The following KAZN variants were observed in gnomAD, a reference collection of about 807,000 sequenced individuals.
The protein encoded by KAZN is kazrin.
Under a neutral mutation model 87.4 loss-of-function variants are expected in KAZN, and 40 were observed. That is an observed-to-expected ratio of 0.46 (90% confidence interval 0.36 to 0.60). The LOEUF (loss-of-function observed/expected upper bound fraction) is 0.60. Ranked by LOEUF, KAZN falls within the 20% of genes least tolerant of loss-of-function variation. KAZN has a pLI of 0.00. For synonymous variants in KAZN, 466 were observed against 458.3 expected (o/e 1.02, Z -0.22); for missense variants, 898 against 1,073.9 (o/e 0.84, Z 2.29).
At chr1:14,676,298 A>G (rs1640214982) in intron 1 of KAZN, among the ~76,000 whole-genome samples, 1 of 152,302 alleles carries the variant, frequency 6.6e-6, no homozygotes, top group East Asian at 1.9e-4. Context: ...GATTCCCTCT[A>G]TATGCAAAAT....
intron 2 of KAZN, among the ~76,000 whole-genome samples, chr1:14,211,032 G>A (rs893136235): frequency 6.6e-6 from 1 of 152,062 alleles, no homozygotes; most frequent in African/African-American, 2.4e-5. Context: ...TTACCTCTTA[G>A]ATGGAAGATT....
intron 2 of KAZN, among the ~76,000 whole-genome samples, chr1:14,371,035 A>G (rs780379139): frequency 7.2e-5 from 11 of 152,192 alleles, no homozygotes; most frequent in African/African-American, 2.7e-4. Context: ...AACCAGGGGT[A>G]GGTGATGAGC....
intron 1 of KAZN, among the ~76,000 whole-genome samples, chr1:14,016,779 C>A (rs1640592321): frequency 6.6e-6 from 1 of 152,104 alleles, no homozygotes; most frequent in African/African-American, 2.4e-5. Context: ...TTACAAAACA[C>A]AAAAACCTAC....
At chr1:14,285,987 C>G (rs899185388) in intron 2 of KAZN, among the ~76,000 whole-genome samples, 1 of 152,182 alleles carries the variant, frequency 6.6e-6, no homozygotes, top group African/African-American at 2.4e-5. Flanking sequence ...CACAGGGGCT[C>G]AAGAACTACA....
chr1:13,976,450 A>G (rs926712173), intron 1 of KAZN, among the ~76,000 whole-genome samples: 5 of 151,946 alleles, frequency 3.3e-5, no homozygotes, highest in South Asian at 2.1e-4. Context: ...TTATTTCCCT[A>G]TATATTATTC....
intron 13 of KAZN, among the ~76,000 whole-genome samples, chr1:15,107,231 C>T (rs931172610): frequency 1.3e-5 from 2 of 152,200 alleles, no homozygotes; most frequent in Non-Finnish European, 2.9e-5. Context: ...GTCCTGCCTT[C>T]ACGAAGCTTA....
chr1:14,479,336 C>G (rs1010842829), intron 2 of KAZN, among the ~76,000 whole-genome samples: 1 of 152,190 alleles, frequency 6.6e-6, no homozygotes, highest in Non-Finnish European at 1.5e-5. Context: ...ATCTACAAAA[C>G]GCATATGCAG....
At chr1:14,581,370 C>T (rs559086203) in intron 2 of KAZN, among the ~76,000 whole-genome samples, 48 of 152,262 alleles carry the variant, frequency 3.2e-4, no homozygotes, top group South Asian at 3.1e-3. Flanking sequence ...CCTGTGGCTC[C>T]ACCTTCAATA....
intron 2 of KAZN, among the ~76,000 whole-genome samples, chr1:14,320,601 G>A (rs967892137): frequency 9.9e-5 from 15 of 152,068 alleles, no homozygotes; most frequent in African/African-American, 3.6e-4. Flanking sequence ...AATAAAGGGG[G>A]ACGTCAGCCA....
chr1:14,516,191 G>A (rs1243872543), intron 2 of KAZN, among the ~76,000 whole-genome samples: 1 of 152,194 alleles, frequency 6.6e-6, no homozygotes, highest in African/African-American at 2.4e-5. Flanking sequence ...TGGTGCTGAA[G>A]GTTAGAGCAG....
chr1:14,401,858 G>A (rs911509152), intron 2 of KAZN, among the ~76,000 whole-genome samples: 4 of 151,764 alleles, frequency 2.6e-5, no homozygotes, highest in Non-Finnish European at 4.4e-5. Flanking sequence ...AACTAGAAAT[G>A]GGAAAAAAAA....
intron 2 of KAZN, among the ~76,000 whole-genome samples, chr1:14,487,514 A>G (rs1263390208): frequency 6.6e-6 from 1 of 152,146 alleles, no homozygotes; most frequent in Non-Finnish European, 1.5e-5. Context: ...CTTCATATCC[A>G]CATACAAAGG....
intron 2 of KAZN, among the ~76,000 whole-genome samples, chr1:14,425,155 A>C (rs1423649460): frequency 2.6e-5 from 4 of 152,082 alleles, no homozygotes; most frequent in Admixed American, 2.6e-4. Flanking sequence ...GCCAACCTGA[A>C]CCCAGCTGGG....
chr1:14,060,353 A>C (rs1264788641), intron 1 of KAZN, among the ~76,000 whole-genome samples: 1 of 106,864 alleles, frequency 9.4e-6, no homozygotes, highest in Non-Finnish European at 1.9e-5. Flanking sequence ...ACAGAGCGAG[A>C]CTCCACCTCA....
At chr1:14,603,144 C>G (rs752535539) in intron 1 of KAZN, among the ~76,000 whole-genome samples, 1 of 152,226 alleles carries the variant, frequency 6.6e-6, no homozygotes, top group Non-Finnish European at 1.5e-5. Flanking sequence ...TAGACACTGT[C>G]GCTTTGCAAA....
rs891917744 is a variant in KAZN at position 14,769,620 on chromosome 1, C to T, written c.226+170397C>T. The stretch of plus-strand genomic sequence containing the variant: ...CCACCTGCCTCAGCCTCCCAAAGTC[C>T]TGGGATTACAGGCGTGAGCCACCGT... On this transcript the variant is annotated intron_variant, in intron 1 of 14. Coordinates refer to ENST00000376030, the MANE Select transcript of KAZN (RefSeq NM_201628.3). The surrounding 1 kb of genome is among the most constrained non-coding windows in gnomAD (Gnocchi z 4.1). 1.4e-4 allele frequency among the ~76,000 whole-genome samples: 21 copies of T among 152,180 alleles called. No individual in the cohort carries two copies. Among genetic ancestry groups the T allele is most frequent in the African/African-American group, 5.1e-4 (21 of 41,442 alleles).
At chr1:14,669,094 A>G (rs1006228651) in intron 1 of KAZN, among the ~76,000 whole-genome samples, 2 of 152,288 alleles carry the variant, frequency 1.3e-5, no homozygotes, top group Admixed American at 1.3e-4. Flanking sequence ...AAATGATGGG[A>G]AACTGAAGAC....
At chr1:14,929,803 A>AGAGG in intron 1 of KAZN, 1 of 985,340 alleles carries the variant, frequency 1.0e-6, no homozygotes, top group Non-Finnish European at 1.2e-6. Context: ...CTTTCAAGGG[A>AGAGG]GAGGGAAGGT....
At chr1:14,706,493 CA>C (rs569251740) in intron 1 of KAZN, among the ~76,000 whole-genome samples, 18 of 141,654 alleles carry the variant, frequency 1.3e-4, no homozygotes, top group South Asian at 4.5e-4. Flanking sequence ...GTTCCCAACA[CA>C]AAAAAAAAAT....
Sources: gnomAD v4.1 joint callset for allele counts (sites outside exome capture counted in the v4.1 genomes callset) on GRCh38, gnomAD v4.1.1 for gene constraint, Gnocchi (gnomAD v3.1) non-coding constraint, MANE v1.5 for transcripts, NCBI Gene and HGNC (gene_info 2026-07-23, HGNC 2026-07-21) for gene names.